CTDSPL2: variants seen among roughly 807,000 people sequenced by gnomAD.
CTDSPL2 encodes CTD small phosphatase like 2, also known as CTD small phosphatase-like protein 2.
A neutral mutation model predicts 60.0 loss-of-function variants in CTDSPL2; 5 were observed. The ratio of observed to expected loss-of-function variants is 0.08; its 90% CI spans 0.04 to 0.18. The LOEUF (loss-of-function observed/expected upper bound fraction) is 0.18, where lower values mean the gene tolerates loss of function less well. Ranked by LOEUF, CTDSPL2 falls within the 10% of genes least tolerant of loss-of-function variation. CTDSPL2 has a pLI of 1.00. For synonymous variants in CTDSPL2, 186 were observed against 189.3 expected, an observed-to-expected ratio of 0.98 and a Z score of 0.14; for missense variants, 370 against 548.8, an observed-to-expected ratio of 0.67 and a Z score of 3.26.
rs2081617423 is a variant in CTDSPL2, at chr15:44,514,506, T to TTA, written c.970-89_970-88dup. 6.5e-5 allele frequency: 51 copies of TTA among 783,286 alleles called. No homozygotes were observed. In the South Asian group the frequency reaches 7.9e-4, roughly 12 times the overall value. The allele number at this position is 783,286 out of a possible 1,614,324, so 48.5% of individuals were successfully genotyped here. ...ATACTTTAAAACATGAACTTTTTCA[T>TTA]TATAATCAAAGTTAGAATACAGCAC... On this transcript the variant is annotated intron_variant, in intron 8 of 12. Transcript: ENST00000260327.
At chr15:44,514,391 GATT>G (rs2081615704) in intron 8 of CTDSPL2, among the ~76,000 whole-genome samples, 3 of 152,180 alleles carry the variant, frequency 2.0e-5, no homozygotes. Context: ...GATCATCAGT[GATT>G]ATTATTATCC....
At chr15:44,453,671 C>A (rs1298817766) in intron 1 of CTDSPL2, among the ~76,000 whole-genome samples, 1 of 148,760 alleles carries the variant, frequency 6.7e-6, no homozygotes, top group Non-Finnish European at 1.5e-5. Flanking sequence ...TGAGAACATG[C>A]GGTATTTGGT....
intron 2 of CTDSPL2, among the ~76,000 whole-genome samples, chr15:44,465,075 G>T (rs543017628): frequency 6.6e-6 from 1 of 152,228 alleles, no homozygotes; most frequent in Non-Finnish European, 1.5e-5. Flanking sequence ...AAGTATTCAG[G>T]TTAGGGCTTC....
chr15:44,496,958 C>T, intron 6 of CTDSPL2, 69 bp from the exon 7 acceptor site: 2 of 802,434 alleles, frequency 2.5e-6, no homozygotes, highest in East Asian at 5.4e-5. Context: ...TTTAAATGGG[C>T]TGAGCTTAGT....
At position 44,427,779 on chromosome 15, in the gene CTDSPL2, C is replaced by T. The variant is rs1307871178; in HGVS notation, c.-25+7C>T. 7.5e-6 allele frequency: 3 copies of T among 399,066 alleles called. No individual in the cohort carries two copies. The highest frequency in any genetic ancestry group is 7.1e-5 in the East Asian group (2 of 28,090). The allele number at this position is 399,066 out of a possible 1,614,324, so 24.7% of individuals were successfully genotyped here. On this transcript the variant is annotated splice_region_variant and intron_variant, in intron 1 of 12. Transcript: ENST00000260327. The stretch of plus-strand genomic sequence containing the variant: ...TCTCTGTCGTCACAGTTAGGTAATC[C>T]CCTTCGTCCAGACGCCGCCGCTGCT...
chr15:44,489,909 A>G (rs1432031697), intron 4 of CTDSPL2, among the ~76,000 whole-genome samples: 1 of 152,142 alleles, frequency 6.6e-6, no homozygotes, highest in Non-Finnish European at 1.5e-5. Context: ...AGCAATGGAG[A>G]TAAATGAATT....
chr15:44,517,656 G>A lies in CTDSPL2; in HGVS notation c.1113-1513G>A, dbSNP rs572289247. Among the ~76,000 whole-genome samples, 5 of 152,248 alleles carry A rather than the reference G, an allele frequency of 3.3e-5. No homozygotes were observed. In the South Asian group the frequency reaches 1.0e-3, roughly 32 times the overall value. ...CAGATTCCTGAATGAATAATTGGAA[G>A]GCTTTTACTGTAATTTAATTAAAAT... On this transcript the variant is annotated intron_variant, in intron 10 of 12. Transcript: ENST00000260327.
chr15:44,441,594 T>G (rs1317628004), intron 1 of CTDSPL2, among the ~76,000 whole-genome samples: 1 of 152,186 alleles, frequency 6.6e-6, no homozygotes, highest in Non-Finnish European at 1.5e-5. Context: ...ATGGAACCAT[T>G]GTTTCTTCCC....
chr15:44,486,724 A>G, intron 4 of CTDSPL2, 24 bp downstream of exon 4: 1 of 1,319,962 alleles, frequency 7.6e-7, no homozygotes, highest in Non-Finnish European at 1.0e-6. Context: ...GTTAACTGTG[A>G]TTTGGATTTT....
At chr15:44,441,022 G>A (rs2080074778) in intron 1 of CTDSPL2, among the ~76,000 whole-genome samples, 1 of 152,114 alleles carries the variant, frequency 6.6e-6, no homozygotes, top group Non-Finnish European at 1.5e-5. Flanking sequence ...TTTGGCTTAT[G>A]TGCCTTGGCC....
At chr15:44,520,176 GT>G (rs2081739639) in intron 11 of CTDSPL2, 1 of 146,852 alleles carries the variant, frequency 6.8e-6, no homozygotes, top group Non-Finnish European at 1.5e-5. Flanking sequence ...TTGAGACGGA[GT>G]TTTGCTCGTC....
intron 2 of CTDSPL2, among the ~76,000 whole-genome samples, chr15:44,476,043 G>A (rs1467149740): frequency 9.9e-5 from 15 of 152,026 alleles, no homozygotes; most frequent in Admixed American, 9.8e-4. Flanking sequence ...GTAACCTAAT[G>A]ATTCATTATT....
At chr15:44,471,558 C>A (rs2080810117) in intron 2 of CTDSPL2, among the ~76,000 whole-genome samples, 1 of 152,136 alleles carries the variant, frequency 6.6e-6, no homozygotes, top group Non-Finnish European at 1.5e-5. Flanking sequence ...TACCCTGCCC[C>A]TTTATTATGA....
At chr15:44,522,296 A>T (rs979153269) in intron 12 of CTDSPL2, among the ~76,000 whole-genome samples, 1 of 152,090 alleles carries the variant, frequency 6.6e-6, no homozygotes, top group Admixed American at 6.6e-5. Context: ...AGCCTCCCAT[A>T]ATGCTGGGAT....
intron 7 of CTDSPL2, among the ~76,000 whole-genome samples, chr15:44,498,472 G>C (rs1206276013): frequency 6.6e-6 from 1 of 152,184 alleles, no homozygotes; most frequent in South Asian, 2.1e-4. Flanking sequence ...TGTAGTCCCA[G>C]CTACTCGGGA....
chr15:44,462,131 G>A (rs1279865732), intron 2 of CTDSPL2, among the ~76,000 whole-genome samples: 2 of 152,076 alleles, frequency 1.3e-5, no homozygotes, highest in African/African-American at 2.4e-5. Context: ...TTTAATAGAG[G>A]CAAGGCTTCA....
intron 1 of CTDSPL2, among the ~76,000 whole-genome samples, chr15:44,432,197 A>C (rs1348281909): frequency 1.3e-5 from 2 of 152,102 alleles, no homozygotes; most frequent in Non-Finnish European, 1.5e-5. Context: ...GTGTGGCCCC[A>C]AGAAGAATTG....
chr15:44,447,399 A>T (rs1433656496), intron 1 of CTDSPL2, among the ~76,000 whole-genome samples: 1 of 152,220 alleles, frequency 6.6e-6, no homozygotes, highest in Non-Finnish European at 1.5e-5. Context: ...AAAAATTTGC[A>T]TATTACAATC....
chr15:44,437,909 AAGAGCAGAAGCATGTAT>A lies in CTDSPL2; in HGVS notation c.-25+10144_-25+10160del, dbSNP rs1404491094. Among the ~76,000 whole-genome samples the A allele has an allele frequency of 4.6e-5, 7 of 152,322 alleles. No individual in the cohort carries two copies. In the East Asian group the frequency reaches 1.2e-3, roughly 25 times the overall value. ...TAGTTAATTGAAAGAATGAGGTAAAAAGAGCAGAAGCATGTATAGAGCACAGTGTGGGCAGGAAACTA... is the reference window on the plus strand; with the variant it reads ...TAGTTAATTGAAAGAATGAGGTAAAAAGAGCACAGTGTGGGCAGGAAACTA... On this transcript the variant is annotated intron_variant, in intron 1 of 12. Coordinates refer to ENST00000260327, the MANE Select transcript of CTDSPL2 (RefSeq NM_016396.3).
Sources: gnomAD v4.1 joint callset for allele counts (sites outside exome capture counted in the v4.1 genomes callset) on GRCh38, gnomAD v4.1.1 for gene constraint, MANE v1.5 for transcripts, NCBI Gene and HGNC (gene_info 2026-07-23, HGNC 2026-07-21) for gene names.